Variants in CPA6 observed in about 807,000 individuals in gnomAD.
CPA6 encodes carboxypeptidase B.
In CPA6, 58 loss-of-function variants were observed where a neutral mutation model predicts 63.3. The ratio of observed to expected loss-of-function variants is 0.92; its 90% CI spans 0.74 to 1.14. The LOEUF is 1.14. Ranked by LOEUF, CPA6 falls within the 50% of genes most tolerant of loss-of-function variation. The probability of loss-of-function intolerance (pLI) is 0.00; values close to 1 mark genes in which losing one functional copy is unlikely to be tolerated. For synonymous variants in CPA6, 185 were observed against 179.0 expected (o/e 1.03, Z -0.27); for missense variants, 565 against 526.6 (o/e 1.07, Z -0.71).
chr8:67,623,841 C>T (rs1438121555), intron 2 of CPA6, among the ~76,000 whole-genome samples: 3 of 151,812 alleles, frequency 2.0e-5, no homozygotes, highest in Non-Finnish European at 4.4e-5. Flanking sequence ...GGGTGGATCA[C>T]GAGGTCAGGA....
intron 1 of CPA6, among the ~76,000 whole-genome samples, chr8:67,670,960 GAC>G (rs1816330305): frequency 6.6e-6 from 1 of 152,166 alleles, no homozygotes; most frequent in African/African-American, 2.4e-5. Flanking sequence ...TTCATCTGTA[GAC>G]ACAAACACAT....
At chr8:67,716,151 C>CAAAAAAAAAAAAAAAAAAAAAA (rs56275918) in intron 1 of CPA6, among the ~76,000 whole-genome samples, 3 of 76,548 alleles carry the variant, frequency 3.9e-5, no homozygotes, top group African/African-American at 2.0e-4. Context: ...GAGCTTGTCT[C>CAAAAAAAAAAAAAAAAAAAAAA]AAAAAAAAAA....
At chr8:67,489,385 T>C (rs73262686) in intron 6 of CPA6, among the ~76,000 whole-genome samples, 21,595 of 152,192 alleles carry the variant, frequency 0.14, 4,212 homozygotes, top group African/African-American at 0.44. Flanking sequence ...GCATTCTATA[T>C]GTCTATCAAG....
chr8:67,469,762 A>G (rs1811013688), intron 8 of CPA6, among the ~76,000 whole-genome samples: 1 of 152,034 alleles, frequency 6.6e-6, no homozygotes, highest in Non-Finnish European at 1.5e-5. Context: ...CAACCTCTGT[A>G]ATTGTGTGAA....
intron 6 of CPA6, among the ~76,000 whole-genome samples, chr8:67,503,791 T>C (rs1811876239): frequency 6.6e-6 from 1 of 152,166 alleles, no homozygotes; most frequent in African/African-American, 2.4e-5. Context: ...AATGTGCAGG[T>C]TTGTTACATA....
intron 8 of CPA6, among the ~76,000 whole-genome samples, chr8:67,461,535 A>G (rs1470913881): frequency 1.3e-5 from 2 of 151,790 alleles, no homozygotes; most frequent in Non-Finnish European, 2.9e-5. Context: ...ATTCCACAAA[A>G]CCGCCATTGT....
chr8:67,724,611 T>C (rs1478142588), intron 1 of CPA6, among the ~76,000 whole-genome samples: 3 of 152,240 alleles, frequency 2.0e-5, no homozygotes, highest in Non-Finnish European at 4.4e-5. Flanking sequence ...ACTACTTGCA[T>C]ACCACACACA....
intron 1 of CPA6, among the ~76,000 whole-genome samples, chr8:67,639,663 G>C (rs1416227493): frequency 6.6e-6 from 1 of 151,566 alleles, no homozygotes; most frequent in Non-Finnish European, 1.5e-5. Flanking sequence ...GCTCCCTGAA[G>C]GGCTGCAGCT....
intron 1 of CPA6, among the ~76,000 whole-genome samples, chr8:67,683,845 G>A (rs1214231243): frequency 6.6e-6 from 1 of 151,406 alleles, no homozygotes; most frequent in Non-Finnish European, 1.5e-5. Flanking sequence ...GGGGGGAGGG[G>A]AGAAGGTCTT....
chr8:67,713,058 T>G (rs1817296229), intron 1 of CPA6, among the ~76,000 whole-genome samples: 1 of 143,954 alleles, frequency 6.9e-6, no homozygotes, highest in African/African-American at 2.6e-5. Flanking sequence ...TTAAACTTTA[T>G]AAGCATGTGT....
chr8:67,490,707 A>C (rs530958073), intron 6 of CPA6, among the ~76,000 whole-genome samples: 2 of 152,312 alleles, frequency 1.3e-5, no homozygotes, highest in African/African-American at 2.4e-5. Flanking sequence ...ATACTTATGT[A>C]CATGTTATAG....
At chr8:67,718,637 T>C (rs1345619665) in intron 1 of CPA6, among the ~76,000 whole-genome samples, 1 of 151,830 alleles carries the variant, frequency 6.6e-6, no homozygotes, top group Non-Finnish European at 1.5e-5. Context: ...TATCTGCACA[T>C]AGACAGCTGA....
intron 8 of CPA6, among the ~76,000 whole-genome samples, chr8:67,473,520 T>A (rs1345486048): frequency 6.6e-6 from 1 of 152,140 alleles, no homozygotes; most frequent in Non-Finnish European, 1.5e-5. Flanking sequence ...AAGTAGGAAA[T>A]GAAATGTTTA....
chr8:67,649,353 CTT>C (rs573278318), intron 1 of CPA6, among the ~76,000 whole-genome samples: 4 of 152,148 alleles, frequency 2.6e-5, no homozygotes, highest in Non-Finnish European at 5.9e-5. Context: ...GAACTTGTCT[CTT>C]TGTAATGTTT....
At chr8:67,631,646 C>T (rs1245354075) in intron 1 of CPA6, among the ~76,000 whole-genome samples, 2 of 152,220 alleles carry the variant, frequency 1.3e-5, no homozygotes, top group Middle Eastern at 3.2e-3. Flanking sequence ...GAGCCAGCAG[C>T]GGCAACCCAC....
intron 3 of CPA6, 115 bp downstream of exon 3, chr8:67,517,808 G>T: frequency 8.9e-7 from 1 of 1,119,718 alleles, no homozygotes; most frequent in Non-Finnish European, 1.2e-6. Context: ...TTCCCCATAT[G>T]AAAAATTGTA....
At chr8:67,436,233 G>A (rs1019995729) in intron 8 of CPA6, among the ~76,000 whole-genome samples, 6 of 152,104 alleles carry the variant, frequency 3.9e-5, no homozygotes, top group Non-Finnish European at 8.8e-5. Flanking sequence ...GGAGAGAGGC[G>A]AGAGGCAAGG....
intron 1 of CPA6, among the ~76,000 whole-genome samples, chr8:67,630,481 A>C (rs1815299207): frequency 6.6e-6 from 1 of 152,224 alleles, no homozygotes; most frequent in Admixed American, 6.5e-5. Context: ...AATGATGTTG[A>C]ATGAAAAACA....
At chr8:67,427,003 G>A (rs2128951090) in intron 10 of CPA6, among the ~76,000 whole-genome samples, 1 of 152,302 alleles carries the variant, frequency 6.6e-6, no homozygotes, top group Non-Finnish European at 1.5e-5. Context: ...GGAAGGACAT[G>A]CCATCCCAAA....
Sources: allele counts gnomAD v4.1 joint callset (sites outside exome capture counted in the v4.1 genomes callset), GRCh38; gene constraint gnomAD v4.1.1; transcripts MANE v1.5; gene names NCBI Gene and HGNC (gene_info 2026-07-23, HGNC 2026-07-21).